Variants in MIS18A observed in about 807,000 individuals in gnomAD.
The protein encoded by MIS18A is protein Mis18-alpha.
In MIS18A, 14 loss-of-function variants were observed where a neutral mutation model predicts 25.0. The observed-to-expected ratio is 0.56, with a 90% confidence interval of 0.37 to 0.88. The LOEUF is 0.88. Ranked by LOEUF, MIS18A falls within the 40% of genes least tolerant of loss-of-function variation. The pLI is 0.00. For missense variants in MIS18A, 292 were observed against 290.8 expected, an observed-to-expected ratio of 1.00 and a Z score of -0.03; for synonymous variants, 134 against 118.6, an observed-to-expected ratio of 1.13 and a Z score of -0.84.
chr21:32,194,774 G>A, the MIS18A span, among the ~76,000 whole-genome samples: 1 of 152,114 alleles, frequency 6.6e-6, no homozygotes, highest in Admixed American at 6.6e-5. Context: ...GTTATTCCTA[G>A]TGCAATGACT....
chr21:32,244,713 G>T, the MIS18A span, among the ~76,000 whole-genome samples: 1 of 152,088 alleles, frequency 6.6e-6, no homozygotes, highest in African/African-American at 2.4e-5. Context: ...CTTGAGTCTG[G>T]GCAACAGAGA....
chr21:32,276,921 G>A (rs549568349), intron 1 of MIS18A, among the ~76,000 whole-genome samples: 1 of 152,124 alleles, frequency 6.6e-6, no homozygotes, highest in East Asian at 1.9e-4. Flanking sequence ...ACAGAGGGCT[G>A]TTAACCCACT....
chr21:32,160,285 AACACACACACACACACACACAC>A, the MIS18A span, among the ~76,000 whole-genome samples: 6 of 145,736 alleles, frequency 4.1e-5, no homozygotes, highest in African/African-American at 1.0e-4. Context: ...ACACCTCTGC[AACACACACACACACACACACAC>A]ACACACACAC....
At position 32,269,044 on chromosome 21, in the gene MIS18A, T is replaced by C. The variant is rs1472541106; in HGVS notation, c.695A>G (p.Lys232Arg). 6.2e-7 allele frequency: 1 copy of C among 1,600,632 alleles called. No individual in the cohort carries two copies. Among genetic ancestry groups the C allele is most frequent in the African/African-American group, 1.3e-5 (1 of 74,756 alleles). Reference protein sequence around the residue: ...AESKLSFATCKS With the variant: ...AESKLSFATCRS ...GAGGACACAGACTAGAGTTCAGCTT[T>C]TACAAGTGGCAAAGGACAATTTGGA... The change falls in exon 5 of 5, where the codon AAA becomes AGA. Residue 232 changes from lysine to arginine, a missense_variant. By Grantham distance (26) the Lys-to-Arg change is conservative. Coordinates refer to ENST00000290130, the MANE Select transcript of MIS18A (RefSeq NM_018944.3).
the MIS18A span, among the ~76,000 whole-genome samples, chr21:32,245,876 T>C: frequency 6.6e-6 from 1 of 152,144 alleles, no homozygotes; most frequent in African/African-American, 2.4e-5. Context: ...AAGAAATACC[T>C]GAGACTGGGT....
chr21:32,165,706 C>T, the MIS18A span, among the ~76,000 whole-genome samples: 1 of 152,062 alleles, frequency 6.6e-6, no homozygotes, highest in Non-Finnish European at 1.5e-5. Context: ...GCAAGAAAGA[C>T]TCAGCCTAAC....
intron 2 of MIS18A, 53 bp downstream of exon 2, chr21:32,274,777 T>G: frequency 2.1e-6 from 3 of 1,422,926 alleles, no homozygotes; most frequent in Non-Finnish European, 9.7e-7. Context: ...CTTTTAAAGA[T>G]TTTTATTAAA....
the MIS18A span, among the ~76,000 whole-genome samples, chr21:32,171,440 C>T: frequency 6.6e-6 from 1 of 151,954 alleles, no homozygotes; most frequent in Non-Finnish European, 1.5e-5. Flanking sequence ...TTTAACAAAA[C>T]AAGTACAGTT....
At chr21:32,186,729 A>T in the MIS18A span, among the ~76,000 whole-genome samples, 460 of 152,292 alleles carry the variant, frequency 3.0e-3, 3 homozygotes, top group African/African-American at 0.011. Flanking sequence ...CACACGAGCA[A>T]AATTGTTCTC....
At chr21:32,252,542 AT>A in the MIS18A span, among the ~76,000 whole-genome samples, 12 of 152,184 alleles carry the variant, frequency 7.9e-5, no homozygotes, top group Admixed American at 3.3e-4. Context: ...GCAAAAATAT[AT>A]TTTTTAATGT....
At chr21:32,184,320 ACTTC>A in the MIS18A span, among the ~76,000 whole-genome samples, 1 of 152,054 alleles carries the variant, frequency 6.6e-6, no homozygotes, top group Non-Finnish European at 1.5e-5. Flanking sequence ...CCAGGATCTC[ACTTC>A]CATACTGAGA....
In MIS18A at chr21:32,269,134, A is replaced by G. The variant is rs760374354; in HGVS notation, c.622-17T>C. 1 of 1,525,822 alleles carries G rather than the reference A, an allele frequency of 6.6e-7. No individual in the cohort carries two copies. Among genetic ancestry groups the G allele is most frequent in the Non-Finnish European group, 8.9e-7 (1 of 1,120,822 alleles). 94.5% of individuals were successfully genotyped at this position (1,525,822 alleles called of 1,614,324 possible). On this transcript the variant is annotated splice_polypyrimidine_tract_variant and intron_variant, in intron 4 of 4. Coordinates refer to ENST00000290130, the MANE Select transcript of MIS18A (RefSeq NM_018944.3). ...ATCTTCCATCTATTGAATTTAAAAA[A>G]TAAAAAAATAAAGAAACACACATAT... is the stretch of plus-strand genomic sequence containing the variant.
chr21:32,199,595 G>A, the MIS18A span, among the ~76,000 whole-genome samples: 1 of 152,048 alleles, frequency 6.6e-6, no homozygotes, highest in African/African-American at 2.4e-5. Context: ...ATCACCTGAG[G>A]TCAGGAGTTC....
the MIS18A span, among the ~76,000 whole-genome samples, chr21:32,198,673 A>C: frequency 0.24 from 36,378 of 152,244 alleles, 4,437 homozygotes; most frequent in South Asian, 0.29. Context: ...CTGCTGCCCC[A>C]AGTGGCACTG....
chr21:32,265,641 G>C (rs949882571), downstream of MIS18A, among the ~76,000 whole-genome samples: 1 of 152,220 alleles, frequency 6.6e-6, no homozygotes, highest in Non-Finnish European at 1.5e-5. Context: ...TGTGTGGCCC[G>C]AGCCTCCCCG....
chr21:32,272,379 T>C (rs547714803), intron 2 of MIS18A, among the ~76,000 whole-genome samples: 1 of 152,228 alleles, frequency 6.6e-6, no homozygotes, highest in South Asian at 2.1e-4. Flanking sequence ...AACACGGGAG[T>C]GTGCAGCACA....
chr21:32,157,558 C>A, the MIS18A span, among the ~76,000 whole-genome samples: 1 of 151,828 alleles, frequency 6.6e-6, no homozygotes, highest in Non-Finnish European at 1.5e-5. Flanking sequence ...TTTAAAGAAG[C>A]TAAATGATAC....
chr21:32,230,619 C>A, the MIS18A span, among the ~76,000 whole-genome samples: 1 of 152,070 alleles, frequency 6.6e-6, no homozygotes, highest in Non-Finnish European at 1.5e-5. Context: ...AACAAGGGAG[C>A]CAAATTAATT....
chr21:32,159,750 G>T, the MIS18A span, among the ~76,000 whole-genome samples: 1 of 152,150 alleles, frequency 6.6e-6, no homozygotes, highest in Non-Finnish European at 1.5e-5. Flanking sequence ...CAAAGTGGGG[G>T]CTTCCAGGCT....
Sources: gnomAD v4.1 joint callset for allele counts (sites outside exome capture counted in the v4.1 genomes callset) on GRCh38, gnomAD v4.1.1 for gene constraint, MANE v1.5 for transcripts, NCBI Gene and HGNC (gene_info 2026-07-23, HGNC 2026-07-21) for gene names.